The following KDM4C variants were observed in gnomAD, a reference collection of about 807,000 sequenced individuals.
KDM4C encodes lysine demethylase 4C, also known as lysine-specific demethylase 4C.
Under a neutral mutation model 129.3 loss-of-function variants are expected in KDM4C, and 81 were observed. The ratio of observed to expected loss-of-function variants is 0.63; its 90% confidence interval spans 0.52 to 0.75. The LOEUF (loss-of-function observed/expected upper bound fraction) is 0.75. Among genes scored for constraint, KDM4C ranks in the 30% least tolerant of loss-of-function variants. KDM4C has a pLI of 0.00. For synonymous variants in KDM4C, 573 were observed against 456.1 expected (o/e 1.26, Z -3.26); for missense variants, 1,457 against 1,304.0 (o/e 1.12, Z -1.81).
intron 5 of KDM4C, among the ~76,000 whole-genome samples, chr9:6,870,494 A>G (rs752375885): frequency 1.6e-4 from 24 of 152,224 alleles, no homozygotes; most frequent in Middle Eastern, 3.4e-3. Flanking sequence ...AAATGGAGGT[A>G]GTAGTAGAAC....
At position 6,748,965 on chromosome 9, in the gene KDM4C, TGG is replaced by T. The variant is rs762359698; in HGVS notation, c.49+27969_49+27970del. The T allele has an allele frequency of 2.6e-5, 22 of 849,348 alleles. No homozygotes were observed. The African/African-American group carries it at 3.5e-4, about 13-fold the overall frequency. The allele number at this position is 849,348 out of a possible 1,614,324, so 52.6% of individuals were successfully genotyped here. ...CATAACCTTCTGCACTTTCTGGCCCTGGCCACTGTATGCCATGGTGGAATTTC... is the reference window on the plus strand; with the variant it reads ...CATAACCTTCTGCACTTTCTGGCCCTCCACTGTATGCCATGGTGGAATTTC... On this transcript the variant is annotated intron_variant, in intron 1 of 17. Coordinates refer to the KDM4C transcript ENST00000536108.
chr9:6,868,954 A>G (rs1588835727), intron 5 of KDM4C, among the ~76,000 whole-genome samples: 1 of 152,214 alleles, frequency 6.6e-6, no homozygotes, highest in South Asian at 2.1e-4. Flanking sequence ...TAGGTAATAT[A>G]AAATATATTA....
intron 15 of KDM4C, among the ~76,000 whole-genome samples, chr9:7,016,567 G>C (rs1048325231): frequency 6.6e-6 from 1 of 150,750 alleles, no homozygotes; most frequent in Non-Finnish European, 1.5e-5. Flanking sequence ...CTGGGACTAC[G>C]GGCGCCTGCC....
At chr9:6,983,365 G>T (rs751202596) in intron 9 of KDM4C, among the ~76,000 whole-genome samples, 3 of 152,148 alleles carry the variant, frequency 2.0e-5, no homozygotes, top group Non-Finnish European at 2.9e-5. Context: ...GCTATCAAGT[G>T]ACCTGCTGGA....
intron 18 of KDM4C, among the ~76,000 whole-genome samples, chr9:7,105,729 C>G (rs916533127): frequency 2.0e-5 from 3 of 152,142 alleles, no homozygotes; most frequent in African/African-American, 4.8e-5. Flanking sequence ...TATTCCAAAG[C>G]CCTGTGGTTA....
At chr9:7,091,308 A>G (rs892833703) in intron 17 of KDM4C, among the ~76,000 whole-genome samples, 1 of 119,688 alleles carries the variant, frequency 8.4e-6, no homozygotes, top group African/African-American at 3.1e-5. Flanking sequence ...CTGGATAAAC[A>G]TAGGCAATAA....
chr9:7,008,964 C>G (rs1469306788), intron 12 of KDM4C, among the ~76,000 whole-genome samples: 1 of 152,208 alleles, frequency 6.6e-6, no homozygotes, highest in Non-Finnish European at 1.5e-5. Flanking sequence ...GATACCAACT[C>G]ATGGTCACAA....
intron 6 of KDM4C, among the ~76,000 whole-genome samples, chr9:6,887,030 G>A (rs1004261601): frequency 6.6e-6 from 1 of 152,170 alleles, no homozygotes; most frequent in Non-Finnish European, 1.5e-5. Flanking sequence ...CAGCATCTAC[G>A]CCTCATCCTG....
At chr9:6,776,976 C>T (rs1289208599) in intron 1 of KDM4C, among the ~76,000 whole-genome samples, 1 of 152,130 alleles carries the variant, frequency 6.6e-6, no homozygotes, top group African/African-American at 2.4e-5. Context: ...ATTCCTATAG[C>T]ACTTAGGTTT....
At chr9:6,863,650 G>C (rs2130505965) in intron 5 of KDM4C, among the ~76,000 whole-genome samples, 1 of 152,094 alleles carries the variant, frequency 6.6e-6, no homozygotes, top group African/African-American at 2.4e-5. Context: ...CAAAAAATTA[G>C]CCAGGCGTGG....
chr9:6,927,350 G>A (rs996304262), intron 8 of KDM4C, among the ~76,000 whole-genome samples: 1 of 152,092 alleles, frequency 6.6e-6, no homozygotes, highest in South Asian at 2.1e-4. Flanking sequence ...GGCTAGTCTC[G>A]AACTTCGGGC....
chr9:7,062,925 T>C (rs1232142551), intron 17 of KDM4C, among the ~76,000 whole-genome samples: 3 of 152,168 alleles, frequency 2.0e-5, no homozygotes, highest in Non-Finnish European at 2.9e-5. Context: ...TTTTCCCTTA[T>C]TTTAGGAGTA....
upstream of KDM4C, among the ~76,000 whole-genome samples, chr9:6,756,003 G>C (rs1464411798): frequency 6.6e-6 from 1 of 152,170 alleles, no homozygotes; most frequent in African/African-American, 2.4e-5. Context: ...TTAAAAAAAA[G>C]TCATACTCTA....
chr9:6,828,874 GA>G (rs61562446), intron 4 of KDM4C, among the ~76,000 whole-genome samples: 64,835 of 150,866 alleles, frequency 0.43, 14,838 homozygotes, highest in East Asian at 0.6. Flanking sequence ...TCCGTCTCAA[GA>G]AAAAAAAAAT....
chr9:7,075,959 C>T (rs1486128135), intron 17 of KDM4C, among the ~76,000 whole-genome samples: 1 of 152,082 alleles, frequency 6.6e-6, no homozygotes, highest in African/African-American at 2.4e-5. Context: ...AGTAGGTCAA[C>T]CCTCCCTTTT....
intron 6 of KDM4C, among the ~76,000 whole-genome samples, chr9:6,882,850 T>A (rs1407251768): frequency 6.6e-6 from 1 of 152,038 alleles, no homozygotes; most frequent in South Asian, 2.1e-4. Context: ...TTTTAATGGC[T>A]AGTAATCTTG....
chr9:6,899,261 C>T (rs1480882620), intron 8 of KDM4C, among the ~76,000 whole-genome samples: 1 of 151,960 alleles, frequency 6.6e-6, no homozygotes, highest in African/African-American at 2.4e-5. Flanking sequence ...TGCATAGCCC[C>T]CCACATTATC....
At chr9:7,131,028 C>A (rs1006423480) in intron 19 of KDM4C, among the ~76,000 whole-genome samples, 2 of 151,948 alleles carry the variant, frequency 1.3e-5, no homozygotes, top group African/African-American at 4.8e-5. Context: ...CTCGGCATCC[C>A]AAAGTGCTGG....
chr9:6,835,141 G>A, intron 4 of KDM4C: 1 of 982,572 alleles, frequency 1.0e-6, no homozygotes, highest in Non-Finnish European at 1.7e-6. Flanking sequence ...GGCCATGGCG[G>A]CTTCCAGCTC....
Sources: gnomAD v4.1 joint callset for allele counts (sites outside exome capture counted in the v4.1 genomes callset) on GRCh38, gnomAD v4.1.1 for gene constraint, MANE v1.5 for transcripts, NCBI Gene and HGNC (gene_info 2026-07-23, HGNC 2026-07-21) for gene names.